CAMTA1: variants seen among roughly 807,000 people sequenced by gnomAD.
CAMTA1 encodes the protein calmodulin-binding transcription activator 1.
CAMTA1 carries 27 observed loss-of-function variants against 170.9 expected under a neutral mutation model. That is an observed-to-expected ratio of 0.16 (90% CI 0.12 to 0.22). The LOEUF (loss-of-function observed/expected upper bound fraction) is 0.22, where lower values mean the gene tolerates loss of function less well. CAMTA1 is among the 10% of genes least tolerant of loss of function. CAMTA1 has a pLI of 1.00. For synonymous variants in CAMTA1, 833 were observed against 891.5 expected, an observed-to-expected ratio of 0.93 and a Z score of 1.17; for missense variants, 1,619 against 2,217.2, an observed-to-expected ratio of 0.73 and a Z score of 5.42.
At chr1:7,434,017 G>A (rs182514049) in intron 5 of CAMTA1, among the ~76,000 whole-genome samples, 186 of 152,262 alleles carry the variant, frequency 1.2e-3, no homozygotes, top group African/African-American at 4.1e-3. Context: ...ACTGCTGCCT[G>A]CTTCGCCCTG....
At chr1:6,977,533 G>A (rs906003205) in intron 3 of CAMTA1, among the ~76,000 whole-genome samples, 2 of 152,120 alleles carry the variant, frequency 1.3e-5, no homozygotes, top group Admixed American at 6.6e-5. Context: ...GTACAGACGA[G>A]GTTTCACCAT....
intron 4 of CAMTA1, among the ~76,000 whole-genome samples, chr1:7,175,043 GGTGTGTGTGTGC>G (rs1650493367): frequency 6.6e-6 from 1 of 152,156 alleles, no homozygotes; most frequent in Non-Finnish European, 1.5e-5. Flanking sequence ...GGTACATCCT[GGTGTGTGTGTGC>G]GTGTGTGTGT....
At chr1:7,522,931 G>A in intron 6 of CAMTA1, among the ~76,000 whole-genome samples, 1 of 152,190 alleles carries the variant, frequency 6.6e-6, no homozygotes, top group East Asian at 1.9e-4. Context: ...CAGTGGTGCA[G>A]TCTCAGCTCA....
intron 4 of CAMTA1, among the ~76,000 whole-genome samples, chr1:7,169,430 G>A (rs1649149444): frequency 6.6e-6 from 1 of 152,114 alleles, no homozygotes; most frequent in Non-Finnish European, 1.5e-5. Context: ...TCTTTTTTGT[G>A]TGTTTACAAG....
chr1:7,321,866 C>T (rs187859149), intron 5 of CAMTA1, among the ~76,000 whole-genome samples: 5 of 152,216 alleles, frequency 3.3e-5, no homozygotes, highest in Admixed American at 1.3e-4. Flanking sequence ...CTTATCAGGC[C>T]CAGCACCTCC....
intron 3 of CAMTA1, among the ~76,000 whole-genome samples, chr1:7,026,540 C>T (rs943582829): frequency 2.0e-5 from 3 of 151,842 alleles, no homozygotes; most frequent in Non-Finnish European, 2.9e-5. Context: ...TAGAGACCTT[C>T]ATGGGGGCTT....
chr1:6,890,970 GTTTC>G (rs1459839234), intron 3 of CAMTA1, among the ~76,000 whole-genome samples: 1 of 152,194 alleles, frequency 6.6e-6, no homozygotes, highest in South Asian at 2.1e-4. Flanking sequence ...TCTTTCATGA[GTTTC>G]TTTAGCTGTG....
Position 7,703,472 on chromosome 1 carries a change from G to A in CAMTA1, c.2914+25739G>A, listed in dbSNP as rs77869264. Among the ~76,000 whole-genome samples the A allele has an allele frequency of 4.3e-3, 656 of 152,286 alleles. 9 individuals carry two copies. The highest frequency in any genetic ancestry group is 0.014 in the African/African-American group (598 of 41,548). On this transcript the variant is annotated intron_variant, in intron 11 of 22. Coordinates refer to ENST00000303635, the MANE Select transcript of CAMTA1 (RefSeq NM_015215.4). ...GAAGCCATGGACGATCTACCGGCAT[G>A]GGCAGGACCCAGCTTGGTCAGGGTG...
At chr1:7,601,910 C>T (rs930555116) in intron 6 of CAMTA1, among the ~76,000 whole-genome samples, 7 of 150,892 alleles carry the variant, frequency 4.6e-5, no homozygotes, top group South Asian at 2.1e-4. Flanking sequence ...AGCTTTGGCT[C>T]GGCATCAGGA....
At chr1:6,793,631 T>G (rs951246788) in intron 1 of CAMTA1, among the ~76,000 whole-genome samples, 1 of 152,226 alleles carries the variant, frequency 6.6e-6, no homozygotes, top group African/African-American at 2.4e-5. Context: ...TAATCTCTTT[T>G]ACAGTGTGCA....
At chr1:7,558,130 T>TCGCTC (rs2150233450) in intron 6 of CAMTA1, among the ~76,000 whole-genome samples, 1 of 152,196 alleles carries the variant, frequency 6.6e-6, no homozygotes, top group South Asian at 2.1e-4. Flanking sequence ...TCCAGGCCCC[T>TCGCTC]CGCTCCGGCA....
chr1:6,816,119 C>G (rs1645777680), intron 1 of CAMTA1, among the ~76,000 whole-genome samples: 1 of 152,180 alleles, frequency 6.6e-6, no homozygotes, highest in Non-Finnish European at 1.5e-5. Flanking sequence ...AGATGACTGG[C>G]TAAGGCTGAG....
Position 7,738,046 on chromosome 1 carries a change from A to G in CAMTA1, c.3746A>G (p.Asn1249Ser), listed in dbSNP as rs2096784351. Residue 1249 changes from asparagine to serine, a missense_variant, in exon 16 of 23, where the codon AAC (asparagine) becomes AGC (serine). Transcript: ENST00000303635. This position sits in a 1 kb window ranked among gnomAD's most constrained non-coding sequence, Gnocchi z 4.9. The stretch of plus-strand genomic sequence containing the variant: ...CCGGCTCCCAAAAAGCATAAATTGA[A>G]CCCTGAGTACTTCCAGACAAGGCAG... The part of the protein sequence containing the change: ...DYPAPKKHKL[N>S]PEYFQTRQEK... 6.2e-7 allele frequency: 1 copy of G among 1,613,948 alleles called. No individual in the cohort carries two copies. Among genetic ancestry groups the G allele is most frequent in the Non-Finnish European group, 8.5e-7 (1 of 1,180,026 alleles).
chr1:7,402,064 G>A (rs2089942353), intron 5 of CAMTA1, among the ~76,000 whole-genome samples: 1 of 152,202 alleles, frequency 6.6e-6, no homozygotes, highest in African/African-American at 2.4e-5. Flanking sequence ...GAATGTTAAA[G>A]ATGAGTGACT....
In CAMTA1 at chr1:7,367,493, A is replaced by T. The variant is rs1043289320; in HGVS notation, c.439-100337A>T. ...CAGCAGGTGGAGCTGAACACCTTGCAGCTGACACTGGCTCTTGTATCCTTG... is the reference window on the plus strand; with the variant it reads ...CAGCAGGTGGAGCTGAACACCTTGCTGCTGACACTGGCTCTTGTATCCTTG... On this transcript the variant is annotated intron_variant, in intron 5 of 22. Coordinates refer to ENST00000303635, the MANE Select transcript of CAMTA1 (RefSeq NM_015215.4). Among the ~76,000 whole-genome samples, 5 of 152,248 alleles carry T rather than the reference A, an allele frequency of 3.3e-5. No individual in the cohort carries two copies. The East Asian group carries it at 9.6e-4, about 29-fold the overall frequency.
chr1:6,960,629 G>T (rs1325136590), intron 3 of CAMTA1, among the ~76,000 whole-genome samples: 1 of 152,210 alleles, frequency 6.6e-6, no homozygotes, highest in African/African-American at 2.4e-5. Context: ...CTCCGGAATA[G>T]TCTTATCACA....
At chr1:7,735,866 A>G (rs1437765143) in intron 12 of CAMTA1, among the ~76,000 whole-genome samples, 1 of 151,980 alleles carries the variant, frequency 6.6e-6, no homozygotes, top group Admixed American at 6.6e-5. Flanking sequence ...CAACCTCTCC[A>G]GGCTCAGGTG....
intron 5 of CAMTA1, among the ~76,000 whole-genome samples, chr1:7,467,247 T>C (rs184782186): frequency 6.6e-6 from 1 of 152,138 alleles, no homozygotes; most frequent in East Asian, 1.9e-4. Context: ...ACTTAACAAA[T>C]ATATGAATAA....
chr1:7,639,549 G>A (rs2095744207), intron 6 of CAMTA1, among the ~76,000 whole-genome samples: 1 of 152,248 alleles, frequency 6.6e-6, no homozygotes, highest in South Asian at 2.1e-4. Flanking sequence ...GAGGTGGGCG[G>A]ATTGCTTGAA....
Sources: allele counts gnomAD v4.1 joint callset (sites outside exome capture counted in the v4.1 genomes callset), GRCh38; gene constraint gnomAD v4.1.1; non-coding constraint Gnocchi (gnomAD v3.1); transcripts MANE v1.5; gene names NCBI Gene and HGNC (gene_info 2026-07-23, HGNC 2026-07-21).